Variants in ST18 observed in about 807,000 individuals in gnomAD.
ST18 encodes suppression of tumorigenicity 18 protein.
A neutral mutation model predicts 110.0 loss-of-function variants in ST18; 50 were observed. The ratio of observed to expected loss-of-function variants is 0.45; its 90% CI spans 0.36 to 0.58. The LOEUF is 0.58. Ranked by LOEUF, ST18 falls within the 20% of genes least tolerant of loss-of-function variation. ST18 has a pLI of 0.00. For missense variants in ST18, 1,306 were observed against 1,280.1 expected, an observed-to-expected ratio of 1.02 and a Z score of -0.31; for synonymous variants, 461 against 452.4, an observed-to-expected ratio of 1.02 and a Z score of -0.24.
At chr8:52,352,694 A>T (rs1480030361) in intron 2 of ST18, among the ~76,000 whole-genome samples, 2 of 152,162 alleles carry the variant, frequency 1.3e-5, no homozygotes, top group Non-Finnish European at 2.9e-5. Flanking sequence ...TGAAGAAGCC[A>T]CTGTCCCCTG....
chr8:52,318,238 A>G (rs762680147), intron 2 of ST18, among the ~76,000 whole-genome samples: 1 of 152,374 alleles, frequency 6.6e-6, no homozygotes, highest in Middle Eastern at 3.4e-3. Context: ...AAGTGGGCAA[A>G]GGACGTGAAC....
chr8:52,166,144 C>G (rs985784788), intron 11 of ST18, among the ~76,000 whole-genome samples: 2 of 152,152 alleles, frequency 1.3e-5, no homozygotes, highest in Non-Finnish European at 2.9e-5. Flanking sequence ...GAATCCATAC[C>G]TCCAGGTGAA....
intron 22 of ST18, among the ~76,000 whole-genome samples, chr8:52,130,062 AAGAGAGAGAGAG>A (rs753697046): frequency 7.1e-6 from 1 of 141,344 alleles, no homozygotes; most frequent in Non-Finnish European, 1.5e-5. Flanking sequence ...GAAAGAAAGA[AAGAGAGAGAGAG>A]AGAGAGAGAG....
chr8:52,158,909 G>T lies in ST18; in HGVS notation c.1795C>A (p.Leu599Met). 6.2e-7 allele frequency: 1 copy of T among 1,613,994 alleles called. No individual in the cohort carries two copies. The highest frequency in any genetic ancestry group is 1.1e-5 in the South Asian group (1 of 91,050). Residue 599 changes from leucine (L) to methionine (M), a missense_variant, in exon 15 of 26, where the codon CTG becomes ATG. Transcript: ENST00000689386. ...TDILSNKPQS[L>M]HAKGAEIEVD... is the part of the protein sequence containing the mutation. ...TTGGACTGGCCTACCTTGGCATGCA[G>T]ACTCTGTGGCTTGTTGGAGAGGATG...
At chr8:52,253,516 A>G (rs908072078) in intron 2 of ST18, among the ~76,000 whole-genome samples, 2 of 152,162 alleles carry the variant, frequency 1.3e-5, no homozygotes, top group African/African-American at 4.8e-5. Context: ...TTTAAAGACA[A>G]AATTATAACT....
chr8:52,125,235 G>A (rs751638401), intron 23 of ST18, among the ~76,000 whole-genome samples: 1 of 152,104 alleles, frequency 6.6e-6, no homozygotes, highest in Non-Finnish European at 1.5e-5. Flanking sequence ...TGTAGATGTA[G>A]GTAAAGATCT....
chr8:52,165,245 T>A lies in ST18; in HGVS notation c.1205-20A>T. 6.2e-7 allele frequency: 1 copy of A among 1,612,684 alleles called. No individual in the cohort carries two copies. Among genetic ancestry groups the A allele is most frequent in the South Asian group, 1.1e-5 (1 of 91,038 alleles). On this transcript the variant is annotated intron_variant, in intron 11 of 25. Transcript: ENST00000689386. ...CAAGAACTAAGCACAAAACAACACA[T>A]AAAGGAAAGAATACTTTACCATAAA...
intron 2 of ST18, among the ~76,000 whole-genome samples, chr8:52,331,006 T>G (rs748344445): frequency 6.6e-6 from 1 of 152,182 alleles, no homozygotes; most frequent in Non-Finnish European, 1.5e-5. Context: ...AAGCACTTCC[T>G]GGTGAACTGG....
At chr8:52,391,099 T>A (rs1839175615) in intron 2 of ST18, among the ~76,000 whole-genome samples, 1 of 152,184 alleles carries the variant, frequency 6.6e-6, no homozygotes, top group Non-Finnish European at 1.5e-5. Flanking sequence ...TTGTCTTTGG[T>A]GCTCTCCATG....
intron 2 of ST18, among the ~76,000 whole-genome samples, chr8:52,344,961 C>T (rs1190441665): frequency 1.3e-5 from 2 of 151,802 alleles, no homozygotes; most frequent in African/African-American, 4.8e-5. Flanking sequence ...AAAGAAGAAA[C>T]CTGAGATGTT....
intron 2 of ST18, among the ~76,000 whole-genome samples, chr8:52,330,820 CT>C (rs1360024868): frequency 6.6e-6 from 1 of 152,174 alleles, no homozygotes; most frequent in Non-Finnish European, 1.5e-5. Flanking sequence ...TCCTTGCTGC[CT>C]CTATAAACCA....
intron 10 of ST18, among the ~76,000 whole-genome samples, chr8:52,171,349 C>A (rs893322393): frequency 6.6e-6 from 1 of 152,200 alleles, no homozygotes; most frequent in South Asian, 2.1e-4. Flanking sequence ...CTCATAAACG[C>A]ATTAACATCT....
intron 2 of ST18, among the ~76,000 whole-genome samples, chr8:52,238,457 A>G (rs1312208582): frequency 6.6e-6 from 1 of 152,222 alleles, no homozygotes; most frequent in Non-Finnish European, 1.5e-5. Flanking sequence ...TAAAAACAGA[A>G]CTACCATTCA....
chr8:52,355,839 T>C (rs1449009555), intron 2 of ST18, among the ~76,000 whole-genome samples: 1 of 152,176 alleles, frequency 6.6e-6, no homozygotes, highest in Non-Finnish European at 1.5e-5. Flanking sequence ...ATCTGTCGAG[T>C]AGCTCCCTGC....
At chr8:52,197,167 C>T (rs1006818627) in intron 8 of ST18, among the ~76,000 whole-genome samples, 1 of 152,130 alleles carries the variant, frequency 6.6e-6, no homozygotes, top group Admixed American at 6.5e-5. Context: ...TTGTAAAATA[C>T]TTAGAAAAAT....
intron 6 of ST18, among the ~76,000 whole-genome samples, chr8:52,216,145 G>A (rs2084116606): frequency 1.3e-5 from 2 of 152,148 alleles, no homozygotes; most frequent in African/African-American, 4.8e-5. Context: ...GAGTGCCAGT[G>A]GACACAAATC....
chr8:52,322,487 T>C (rs1470540834), intron 2 of ST18, among the ~76,000 whole-genome samples: 1 of 152,220 alleles, frequency 6.6e-6, no homozygotes, highest in East Asian at 1.9e-4. Context: ...AGAACAACTC[T>C]AATCAAATAA....
chr8:52,252,455 A>G (rs2138368815), intron 2 of ST18, among the ~76,000 whole-genome samples: 3 of 151,962 alleles, frequency 2.0e-5, no homozygotes, highest in African/African-American at 7.2e-5. Flanking sequence ...GAAACCAGGA[A>G]ACTTCAAATC....
At chr8:52,277,173 C>T (rs1026645220) in intron 2 of ST18, among the ~76,000 whole-genome samples, 11 of 152,154 alleles carry the variant, frequency 7.2e-5, no homozygotes, top group African/African-American at 1.7e-4. Context: ...AGAGAGGCCT[C>T]GGGAGCCGCA....
Sources: gnomAD v4.1 joint callset for allele counts (sites outside exome capture counted in the v4.1 genomes callset) on GRCh38, gnomAD v4.1.1 for gene constraint, MANE v1.5 for transcripts, NCBI Gene and HGNC (gene_info 2026-07-23, HGNC 2026-07-21) for gene names.